NRXN3: variants seen among roughly 807,000 people sequenced by gnomAD.
NRXN3 encodes neurexin 3.
A neutral mutation model predicts 137.6 loss-of-function variants in NRXN3; 32 were observed. The observed-to-expected ratio is 0.23, with a 90% confidence interval of 0.18 to 0.31. The LOEUF (loss-of-function observed/expected upper bound fraction) is 0.31. Among genes scored for constraint, NRXN3 ranks in the 10% least tolerant of loss-of-function variants. The probability of loss-of-function intolerance (pLI) is 1.00; values close to 1 mark genes in which losing one functional copy is unlikely to be tolerated. For missense variants in NRXN3, 1,574 were observed against 2,062.5 expected (o/e 0.76, Z 4.59); for synonymous variants, 798 against 784.5 (o/e 1.02, Z -0.29).
chr14:78,934,413 AG>A (rs2099329914), intron 10 of NRXN3, among the ~76,000 whole-genome samples: 1 of 152,148 alleles, frequency 6.6e-6, no homozygotes, highest in African/African-American at 2.4e-5. Context: ...AAGAGAACCC[AG>A]GGGGTGTCTT....
intron 20 of NRXN3, among the ~76,000 whole-genome samples, chr14:79,851,358 TATTA>T (rs2099390994): frequency 6.6e-6 from 1 of 152,102 alleles, no homozygotes; most frequent in African/African-American, 2.4e-5. Context: ...TTTTCTATAT[TATTA>T]ATTTTTTTTT....
intron 3 of NRXN3, among the ~76,000 whole-genome samples, chr14:78,281,258 A>G (rs1882809): frequency 0.75 from 113,692 of 151,908 alleles, 42,948 homozygotes; most frequent in African/African-American, 0.82. Flanking sequence ...TCTGGAGCCG[A>G]CAGCGCTGTG....
intron 15 of NRXN3, among the ~76,000 whole-genome samples, chr14:79,369,577 A>G (rs1483078747): frequency 2.0e-5 from 3 of 152,150 alleles, no homozygotes; most frequent in African/African-American, 7.2e-5. Context: ...TTTTCCTAAT[A>G]TCCCACTTAC....
intron 16 of NRXN3, among the ~76,000 whole-genome samples, chr14:79,503,632 C>T (rs60502118): frequency 0.024 from 3,646 of 152,252 alleles, 159 homozygotes; most frequent in African/African-American, 0.083. Flanking sequence ...TTCTGTTCCC[C>T]TATGGTACTT....
chr14:78,238,335 C>T (rs1057030545), intron 1 of NRXN3, among the ~76,000 whole-genome samples: 15 of 152,190 alleles, frequency 9.9e-5, no homozygotes, highest in African/African-American at 2.9e-4. Context: ...TGCACCAGCC[C>T]GGGCCCTGCA....
chr14:78,420,078 G>T (rs1449836312), intron 4 of NRXN3, among the ~76,000 whole-genome samples: 1 of 152,032 alleles, frequency 6.6e-6, no homozygotes, highest in Non-Finnish European at 1.5e-5. Context: ...TTCTGCTTTT[G>T]GGCAGGGAAG....
intron 4 of NRXN3, among the ~76,000 whole-genome samples, chr14:78,502,705 C>T (rs1055736778): frequency 6.6e-6 from 1 of 152,176 alleles, no homozygotes; most frequent in Non-Finnish European, 1.5e-5. Flanking sequence ...ATGATATTAG[C>T]TGCTTAGGGC....
At chr14:78,410,509 TCTTAACTC>T (rs2092762002) in intron 4 of NRXN3, among the ~76,000 whole-genome samples, 1 of 152,174 alleles carries the variant, frequency 6.6e-6, no homozygotes, top group Non-Finnish European at 1.5e-5. Context: ...CCCTTAAGTT[TCTTAACTC>T]CTGAGCCAGG....
At chr14:78,939,748 A>G (rs1415554536) in intron 10 of NRXN3, among the ~76,000 whole-genome samples, 4 of 152,266 alleles carry the variant, frequency 2.6e-5, no homozygotes, top group African/African-American at 7.2e-5. Flanking sequence ...TCTGAGCTTC[A>G]TAAATATTTA....
chr14:78,692,838 T>C (rs1185705526), intron 6 of NRXN3, among the ~76,000 whole-genome samples: 3 of 149,630 alleles, frequency 2.0e-5, no homozygotes, highest in African/African-American at 7.4e-5. Context: ...CCCAGCACTT[T>C]GGGAGGCCGA....
intron 4 of NRXN3, among the ~76,000 whole-genome samples, chr14:78,450,912 GGTGT>G (rs147013752): frequency 3.3e-5 from 5 of 150,182 alleles, no homozygotes; most frequent in Non-Finnish European, 7.4e-5. Context: ...CGGTGTTTGG[GGTGT>G]GTGTGTGTGT....
intron 15 of NRXN3, among the ~76,000 whole-genome samples, chr14:79,392,741 G>A (rs1465197831): frequency 6.6e-6 from 1 of 152,084 alleles, no homozygotes; most frequent in East Asian, 1.9e-4. Context: ...GGAGGCCGAG[G>A]CAGGCAGATC....
intron 19 of NRXN3, among the ~76,000 whole-genome samples, chr14:79,769,064 G>A (rs2099067159): frequency 6.6e-6 from 1 of 151,848 alleles, no homozygotes; most frequent in Non-Finnish European, 1.5e-5. Flanking sequence ...GAGAAGGGAA[G>A]TTTAGAGAAA....
chr14:79,781,532 C>T (rs551730052), intron 19 of NRXN3, among the ~76,000 whole-genome samples: 1 of 152,344 alleles, frequency 6.6e-6, no homozygotes, highest in Non-Finnish European at 1.5e-5. Flanking sequence ...CTATTTTCTT[C>T]TCTGGGCCTC....
At chr14:78,829,220 A>G (rs865860406) in intron 10 of NRXN3, among the ~76,000 whole-genome samples, 1 of 152,178 alleles carries the variant, frequency 6.6e-6, no homozygotes, top group Admixed American at 6.5e-5. Context: ...CTGATTTACA[A>G]TCATCCTTTC....
chr14:79,264,424 C>T (rs183725424), intron 15 of NRXN3, among the ~76,000 whole-genome samples: 1 of 152,082 alleles, frequency 6.6e-6, no homozygotes, highest in South Asian at 2.1e-4. Context: ...GTTTTAGAGG[C>T]TGGAAGTCCA....
At chr14:78,864,919 A>G (rs2152542776) in intron 10 of NRXN3, among the ~76,000 whole-genome samples, 1 of 152,252 alleles carries the variant, frequency 6.6e-6, no homozygotes, top group Admixed American at 6.5e-5. Flanking sequence ...GAAGGTCTTT[A>G]TGATTTGCTT....
chr14:79,186,466 C>T (rs1212088467), intron 15 of NRXN3, among the ~76,000 whole-genome samples: 3 of 152,104 alleles, frequency 2.0e-5, no homozygotes, highest in African/African-American at 7.2e-5. Flanking sequence ...TGGGCAGTCA[C>T]AATAAGATAC....
chr14:78,950,135 TAA>T (rs1038987856), intron 10 of NRXN3, among the ~76,000 whole-genome samples: 1 of 152,222 alleles, frequency 6.6e-6, no homozygotes, highest in African/African-American at 2.4e-5. Context: ...GTATCTGTTA[TAA>T]AGTTTTTTTA....
Sources: allele counts gnomAD v4.1 joint callset (sites outside exome capture counted in the v4.1 genomes callset), GRCh38; gene constraint gnomAD v4.1.1; transcripts MANE v1.5; gene names NCBI Gene and HGNC (gene_info 2026-07-23, HGNC 2026-07-21).